Variants in STK31 observed in about 807,000 individuals in gnomAD.
STK31 encodes serine/threonine kinase 31, also known as serine/threonine-protein kinase 31.
A neutral mutation model predicts 129.7 loss-of-function variants in STK31; 89 were observed. That is an observed-to-expected ratio of 0.69 (90% CI 0.58 to 0.82). The LOEUF (loss-of-function observed/expected upper bound fraction) is 0.82, where lower values mean the gene tolerates loss of function less well. Among genes scored for constraint, STK31 ranks in the 40% least tolerant of loss-of-function variants. STK31 has a pLI of 0.00. For synonymous variants in STK31, 448 were observed against 395.3 expected, an observed-to-expected ratio of 1.13 and a Z score of -1.58; for missense variants, 1,187 against 1,176.4, an observed-to-expected ratio of 1.01 and a Z score of -0.13.
chr7:23,794,255 G>A (rs562595284), intron 22 of STK31, among the ~76,000 whole-genome samples: 1 of 152,182 alleles, frequency 6.6e-6, no homozygotes, highest in Non-Finnish European at 1.5e-5. Context: ...TCTTGTGGAA[G>A]TAAGTCTCAC....
At chr7:23,712,321 T>A in intron 3 of STK31, 35 bp downstream of exon 3, 1 of 1,602,360 alleles carries the variant, frequency 6.2e-7, no homozygotes, top group Non-Finnish European at 8.5e-7. Flanking sequence ...CCCCCTCACC[T>A]CCCCCAATCC....
chr7:23,828,662 A>G (rs973189226), intron 23 of STK31, among the ~76,000 whole-genome samples: 2 of 152,190 alleles, frequency 1.3e-5, no homozygotes, highest in Admixed American at 6.5e-5. Context: ...GGAAATGCAG[A>G]AATCACCCGT....
intron 22 of STK31, among the ~76,000 whole-genome samples, chr7:23,814,550 A>T (rs546010065): frequency 3.9e-5 from 6 of 152,186 alleles, no homozygotes; most frequent in Non-Finnish European, 8.8e-5. Flanking sequence ...AGGTGAAATT[A>T]TGAAATACAT....
At chr7:23,827,814 T>C (rs1794267790) in intron 23 of STK31, among the ~76,000 whole-genome samples, 1 of 152,198 alleles carries the variant, frequency 6.6e-6, no homozygotes, top group Non-Finnish European at 1.5e-5. Flanking sequence ...CTTCTAACAG[T>C]CAGGACCCTC....
intron 22 of STK31, among the ~76,000 whole-genome samples, chr7:23,813,732 T>G (rs1793296673): frequency 6.6e-6 from 1 of 152,198 alleles, no homozygotes; most frequent in Admixed American, 6.6e-5. Flanking sequence ...AGTATGGGAA[T>G]GGAGACCCTG....
chr7:23,736,577 G>A (rs1019682617), intron 7 of STK31, among the ~76,000 whole-genome samples: 3 of 125,830 alleles, frequency 2.4e-5, no homozygotes, highest in African/African-American at 9.1e-5. Flanking sequence ...ACAGGACGGG[G>A]GGATCACGGG....
chr7:23,782,515 A>G (rs900359981), intron 16 of STK31, among the ~76,000 whole-genome samples: 1 of 151,508 alleles, frequency 6.6e-6, no homozygotes, highest in African/African-American at 2.4e-5. Context: ...AAGTAATAAT[A>G]TTAATACTGT....
At chr7:23,820,478 C>T (rs766516874) in intron 23 of STK31, among the ~76,000 whole-genome samples, 1 of 152,114 alleles carries the variant, frequency 6.6e-6, no homozygotes, top group East Asian at 1.9e-4. Context: ...TAATGACAGT[C>T]GGTATTTAGG....
At chr7:23,727,625 C>T (rs886456045) in intron 5 of STK31, 5 of 232,924 alleles carry the variant, frequency 2.1e-5, no homozygotes, top group East Asian at 1.4e-4. Context: ...TGCAGTGGTA[C>T]GATCTTGGCT....
At chr7:23,811,396 G>A in intron 22 of STK31, 1 of 340,060 alleles carries the variant, frequency 2.9e-6, no homozygotes. Context: ...TATACATCTT[G>A]TAGGCTTCTT....
intron 23 of STK31, 78 bp downstream of exon 23, chr7:23,815,290 C>T (rs1793403471): frequency 5.7e-6 from 6 of 1,051,410 alleles, no homozygotes; most frequent in Non-Finnish European, 8.0e-6. Context: ...GAAAGTTGTC[C>T]TCCAGTTTTT....
At chr7:23,798,438 G>T (rs1372635230) in intron 22 of STK31, among the ~76,000 whole-genome samples, 3 of 123,844 alleles carry the variant, frequency 2.4e-5, no homozygotes, top group African/African-American at 8.8e-5. Flanking sequence ...ATGCAAGGCT[G>T]GTTCAACATA....
At chr7:23,814,163 T>TTTTTTTTTTTTTTTG (rs1174158138) in intron 22 of STK31, among the ~76,000 whole-genome samples, 8 of 148,976 alleles carry the variant, frequency 5.4e-5, no homozygotes, top group African/African-American at 7.4e-5. Flanking sequence ...TTTTTTTTTT[T>TTTTTTTTTTTTTTTG]TCAGTTGGGA....
chr7:23,742,483 G>A (rs1480966177), intron 8 of STK31, among the ~76,000 whole-genome samples: 1 of 152,216 alleles, frequency 6.6e-6, no homozygotes, highest in East Asian at 1.9e-4. Context: ...ATTCTGTGTG[G>A]ATTCCTTTTC....
Position 23,717,476 on chromosome 7 carries a change from T to C in STK31, c.151-5T>C, listed in dbSNP as rs970306253. Reference sequence around the variant, plus strand: ...TGTATCTTATACTATATCTAATCTTTCTAGAGTATCAATAGAAATAAGGAT... The same window carrying C: ...TGTATCTTATACTATATCTAATCTTCCTAGAGTATCAATAGAAATAAGGAT... On this transcript the variant is annotated splice_polypyrimidine_tract_variant and splice_region_variant and intron_variant, in intron 3 of 23. Coordinates refer to ENST00000355870, the MANE Select transcript of STK31 (RefSeq NM_031414.5). The C allele has an allele frequency of 8.2e-6, 13 of 1,587,918 alleles. No homozygotes were observed. Among genetic ancestry groups the C allele is most frequent in the Non-Finnish European group, 8.6e-7 (1 of 1,158,502 alleles).
intron 22 of STK31, among the ~76,000 whole-genome samples, chr7:23,804,587 A>G (rs1021420936): frequency 6.6e-6 from 1 of 152,150 alleles, no homozygotes; most frequent in African/African-American, 2.4e-5. Context: ...AAAACCTTGC[A>G]TGAAGATTTT....
chr7:23,810,888 A>G (rs1425210471), intron 22 of STK31, among the ~76,000 whole-genome samples: 3 of 139,696 alleles, frequency 2.1e-5, no homozygotes, highest in Non-Finnish European at 4.6e-5. Context: ...TGTATAATAT[A>G]TATTTATATA....
rs557492437 is a variant in STK31 at position 23,778,792 on chromosome 7, C to T, written c.1966-2627C>T. Among the ~76,000 whole-genome samples, 463 of 152,064 alleles carry T rather than the reference C, an allele frequency of 3.0e-3. 1 individual carries two copies. The highest frequency in any genetic ancestry group is 4.9e-3 in the Non-Finnish European group (332 of 67,984). ...TGGGTTAGAACATGCTCCTTTAGCTCGGAGGAGTTTGTTATTACCCACCTT... is the reference window on the plus strand; with the variant it reads ...TGGGTTAGAACATGCTCCTTTAGCTTGGAGGAGTTTGTTATTACCCACCTT... On this transcript the variant is annotated intron_variant, in intron 15 of 23. Coordinates refer to ENST00000355870, the MANE Select transcript of STK31 (RefSeq NM_031414.5).
In STK31 at chr7:23,747,874, T is replaced by C. The variant is rs545655394; in HGVS notation, c.1018-4843T>C. Reference sequence around the variant, plus strand: ...GTCTTTTTTTCCTTTATTAGCCTGGTTATAGTGTTACCAATTTTATTCATC... The same window carrying C: ...GTCTTTTTTTCCTTTATTAGCCTGGCTATAGTGTTACCAATTTTATTCATC... On this transcript the variant is annotated intron_variant, in intron 8 of 23. Transcript: ENST00000355870. Among the ~76,000 whole-genome samples, 25 of 152,314 alleles carry C rather than the reference T, an allele frequency of 1.6e-4. No individual in the cohort carries two copies. The South Asian group carries it at 5.2e-3, about 32-fold the overall frequency.
Sources: allele counts gnomAD v4.1 joint callset (sites outside exome capture counted in the v4.1 genomes callset), GRCh38; gene constraint gnomAD v4.1.1; transcripts MANE v1.5; gene names NCBI Gene and HGNC (gene_info 2026-07-23, HGNC 2026-07-21).